TTC29: variants seen among roughly 807,000 people sequenced by gnomAD.
TTC29 encodes tetratricopeptide repeat protein 29.
In TTC29, 49 loss-of-function variants were observed where a neutral mutation model predicts 58.1. The ratio of observed to expected loss-of-function variants is 0.84; its 90% CI spans 0.67 to 1.07. The LOEUF (loss-of-function observed/expected upper bound fraction) is 1.07. Among genes scored for constraint, TTC29 ranks in the 50% least tolerant of loss-of-function variants. TTC29 has a pLI of 0.00. For synonymous variants in TTC29, 209 were observed against 196.8 expected (o/e 1.06, Z -0.52); for missense variants, 582 against 555.6 (o/e 1.05, Z -0.48).
At chr4:146,810,036 G>A (rs1486837822) in intron 10 of TTC29, among the ~76,000 whole-genome samples, 2 of 152,122 alleles carry the variant, frequency 1.3e-5, no homozygotes, top group Non-Finnish European at 2.9e-5. Flanking sequence ...ATGATAGACT[G>A]GATAAAGAAA....
chr4:146,927,132 T>C (rs996582959), intron 4 of TTC29, among the ~76,000 whole-genome samples: 2 of 151,680 alleles, frequency 1.3e-5, no homozygotes, highest in South Asian at 2.1e-4. Context: ...TCAGCACATG[T>C]ATAAATGTGA....
chr4:146,712,242 T>C (rs1022202312), intron 11 of TTC29, among the ~76,000 whole-genome samples: 3 of 152,180 alleles, frequency 2.0e-5, no homozygotes, highest in Non-Finnish European at 4.4e-5. Flanking sequence ...AAATGAGAGC[T>C]CATCTTTGAA....
chr4:146,782,021 G>GAA (rs75599808), intron 11 of TTC29, among the ~76,000 whole-genome samples: 2 of 148,832 alleles, frequency 1.3e-5, no homozygotes, highest in East Asian at 2.0e-4. Context: ...GCAAATAAAT[G>GAA]AAAAAAAAAG....
At chr4:146,724,563 A>T (rs1352363296) in intron 11 of TTC29, among the ~76,000 whole-genome samples, 18 of 151,534 alleles carry the variant, frequency 1.2e-4, no homozygotes, top group Admixed American at 1.2e-3. Flanking sequence ...ACAGAGTCTC[A>T]CTCTGTCATG....
intron 6 of TTC29, among the ~76,000 whole-genome samples, chr4:146,876,596 A>G (rs1731273042): frequency 6.6e-6 from 1 of 152,194 alleles, no homozygotes; most frequent in African/African-American, 2.4e-5. Context: ...ATTCTCAAAG[A>G]AAAACAACCA....
At chr4:146,894,963 A>C (rs1054612744) in intron 6 of TTC29, among the ~76,000 whole-genome samples, 2 of 152,274 alleles carry the variant, frequency 1.3e-5, no homozygotes, top group Middle Eastern at 6.8e-3. Flanking sequence ...TAAGCTCAGC[A>C]TCCATTAGCT....
At chr4:146,719,349 G>A (rs1244195779) in intron 11 of TTC29, among the ~76,000 whole-genome samples, 1 of 152,026 alleles carries the variant, frequency 6.6e-6, no homozygotes, top group Non-Finnish European at 1.5e-5. Flanking sequence ...GGAAACAAAA[G>A]GTTGGAGAGA....
intron 11 of TTC29, among the ~76,000 whole-genome samples, chr4:146,778,057 A>T (rs1226299385): frequency 1.3e-5 from 2 of 152,186 alleles, no homozygotes; most frequent in East Asian, 3.8e-4. Flanking sequence ...AATGAACTGT[A>T]GTTCATGGAT....
rs529252138 is a variant in TTC29, at chr4:146,847,214, A to G, written c.886-13317T>C. Among the ~76,000 whole-genome samples the G allele has an allele frequency of 2.6e-5, 4 of 152,274 alleles. 1 individual carries two copies. The South Asian group carries it at 8.3e-4, about 32-fold the overall frequency. ...GTTATAACAACTAGTAATAAGTGTA[A>G]ATAATAAATGTCTGGGATCTTAGGG... On this transcript the variant is annotated intron_variant, in intron 8 of 12. Coordinates refer to ENST00000325106, the MANE Select transcript of TTC29 (RefSeq NM_031956.4).
At position 146,842,713 on chromosome 4, in the gene TTC29, T is replaced by C. The variant is rs80086339; in HGVS notation, c.886-8816A>G. ...TAAAAAGTCAGCATAGCTAATATTG[T>C]GTTATACATCCCCTACACAAAATCC... On this transcript the variant is annotated intron_variant, in intron 8 of 12. Coordinates refer to ENST00000325106, the MANE Select transcript of TTC29 (RefSeq NM_031956.4). 7.0e-3 allele frequency among the ~76,000 whole-genome samples: 1,072 copies of C among 152,280 alleles called. 14 individuals are homozygous for C. The highest frequency in any genetic ancestry group is 0.024 in the African/African-American group (1,013 of 41,560).
At position 146,909,236 on chromosome 4, in the gene TTC29, A is replaced by G; in HGVS notation, c.190T>C (p.Tyr64His). Residue 64 changes from tyrosine to histidine, a missense_variant, in exon 5 of 13, where the codon TAC (tyrosine) becomes CAC (histidine). Physicochemically the swap from Tyr to His is moderately conservative, Grantham distance 83. Coordinates refer to ENST00000325106, the MANE Select transcript of TTC29 (RefSeq NM_031956.4). ...KEEVAAYRNSYKKNICVDMLR... is the reference protein window; with the variant it reads ...KEEVAAYRNSHKKNICVDMLR... ...ATGTCCACACAGATATTCTTCTTGT[A>G]GGAGTTCCTATAACTGGAAATATGA... 1 of 1,611,234 alleles carries G rather than the reference A, an allele frequency of 6.2e-7. No homozygotes were observed. The highest frequency in any genetic ancestry group is 8.5e-7 in the Non-Finnish European group (1 of 1,178,486).
rs549853929 is a variant in TTC29, at chr4:146,706,811, C to T, written c.*347G>A. On this transcript the variant is annotated 3_prime_UTR_variant, in exon 13 of 13. Transcript: ENST00000325106. Reference sequence around the variant, plus strand: ...CAAATATTTTCCTACATGAATTCAGCATGAAAGATTTTCTTAAGCTTGTAA... The same window carrying T: ...CAAATATTTTCCTACATGAATTCAGTATGAAAGATTTTCTTAAGCTTGTAA... The T allele has an allele frequency of 6.0e-4, 105 of 173,784 alleles. No homozygotes were observed. Among genetic ancestry groups the T allele is most frequent in the African/African-American group, 2.2e-3 (95 of 42,538 alleles). The allele number at this position is 173,784 out of a possible 1,614,324, so 10.8% of individuals were successfully genotyped here.
intron 6 of TTC29, among the ~76,000 whole-genome samples, chr4:146,878,460 T>A (rs1480380471): frequency 6.6e-6 from 1 of 152,154 alleles, no homozygotes; most frequent in Non-Finnish European, 1.5e-5. Context: ...GTGAAGTATA[T>A]ATGATAGTTG....
chr4:146,706,936 T>C lies in TTC29; in HGVS notation c.*222A>G, dbSNP rs1223168658. 3 of 362,294 alleles carry C rather than the reference T, an allele frequency of 8.3e-6. No homozygotes were observed. Among genetic ancestry groups the C allele is most frequent in the East Asian group, 4.1e-5 (1 of 24,396 alleles). 22.4% of individuals were successfully genotyped at this position (362,294 alleles called of 1,614,324 possible). On this transcript the variant is annotated 3_prime_UTR_variant, in exon 13 of 13. Coordinates refer to ENST00000325106, the MANE Select transcript of TTC29 (RefSeq NM_031956.4). ...AGGAAATCATTTATTTCATGGATGA[T>C]TGCTGATATTTCTAAGAATTGGAAT...
At chr4:146,895,892 T>C (rs1036677132) in intron 6 of TTC29, among the ~76,000 whole-genome samples, 1 of 152,162 alleles carries the variant, frequency 6.6e-6, no homozygotes, top group African/African-American at 2.4e-5. Flanking sequence ...TATTTTCTAC[T>C]TGTTTTTTTA....
In TTC29 at chr4:146,707,069, T is replaced by TCC; in HGVS notation, c.*88_*89insGG. ...TAGTCCGTTTTATTATAACTCTATA[T>TCC]TATCTGTAACATGCTCCTATTACAA... On this transcript the variant is annotated 3_prime_UTR_variant, in exon 13 of 13. Coordinates refer to ENST00000325106, the MANE Select transcript of TTC29 (RefSeq NM_031956.4). The TCC allele has an allele frequency of 1.0e-6, 1 of 975,062 alleles. No individual in the cohort carries two copies. Among genetic ancestry groups the TCC allele is most frequent in the African/African-American group, 1.7e-5 (1 of 59,192 alleles). 60.4% of individuals were successfully genotyped at this position (975,062 alleles called of 1,614,324 possible). A position where few individuals can be genotyped will look rare whatever the true frequency, so the allele number is the denominator to read the frequency against.
At chr4:146,743,065 T>A (rs1466025364) in intron 11 of TTC29, among the ~76,000 whole-genome samples, 1 of 151,612 alleles carries the variant, frequency 6.6e-6, no homozygotes, top group Non-Finnish European at 1.5e-5. Context: ...TTACTCTCCA[T>A]CAGCGTTAGT....
chr4:146,943,777 C>G (rs942694673), intron 2 of TTC29, among the ~76,000 whole-genome samples: 1 of 152,172 alleles, frequency 6.6e-6, no homozygotes, highest in African/African-American at 2.4e-5. Context: ...TGCAGTACTT[C>G]CATTAAATTA....
chr4:146,777,168 G>T (rs1748167517), intron 11 of TTC29, among the ~76,000 whole-genome samples: 1 of 152,178 alleles, frequency 6.6e-6, no homozygotes, highest in South Asian at 2.1e-4. Flanking sequence ...CTGCAGTCAT[G>T]GCTCTCTGAG....
Sources: allele counts gnomAD v4.1 joint callset (sites outside exome capture counted in the v4.1 genomes callset), GRCh38; gene constraint gnomAD v4.1.1; transcripts MANE v1.5; gene names NCBI Gene and HGNC (gene_info 2026-07-23, HGNC 2026-07-21).